SUPT5H: variants seen among roughly 807,000 people sequenced by gnomAD.
SUPT5H encodes transcription elongation factor SPT5.
In SUPT5H, 24 loss-of-function variants were observed where a neutral mutation model predicts 142.5. The observed-to-expected ratio is 0.17, with a 90% CI of 0.12 to 0.24. The LOEUF is 0.24. Ranked by LOEUF, SUPT5H falls within the 10% of genes least tolerant of loss-of-function variation. The pLI is 1.00. For synonymous variants in SUPT5H, 546 were observed against 553.0 expected, an observed-to-expected ratio of 0.99 and a Z score of 0.18; for missense variants, 893 against 1,471.8, an observed-to-expected ratio of 0.61 and a Z score of 6.43.
At chr19:39,461,322 T>G (rs2079158413) in intron 10 of SUPT5H, among the ~76,000 whole-genome samples, 1 of 151,688 alleles carries the variant, frequency 6.6e-6, no homozygotes, top group Non-Finnish European at 1.5e-5. Context: ...TCTTCCTCAT[T>G]ATTATAGTAA....
intron 28 of SUPT5H, 70 bp from the exon 29 acceptor site, chr19:39,476,011 C>T: frequency 7.1e-7 from 1 of 1,416,452 alleles, no homozygotes; most frequent in East Asian, 2.3e-5. Context: ...GAGCCTGTGT[C>T]CCCTGGAGTA....
Position 39,466,804 on chromosome 19 carries a change from C to G in SUPT5H, c.1037+59C>G. On this transcript the variant is annotated intron_variant, in intron 13 of 29. Coordinates refer to ENST00000432763, the MANE Select transcript of SUPT5H (RefSeq NM_001111020.3). The surrounding 1 kb of genome is among the most constrained non-coding windows in gnomAD (Gnocchi z 4.3). ...CCCAGGGCCGGTGTGTAGAATGTGC[C>G]TTTTGCAGGTTCCTCCCCAGGGGTG... 1 of 1,565,556 alleles carries G rather than the reference C, an allele frequency of 6.4e-7. No homozygotes were observed. The highest frequency in any genetic ancestry group is 8.8e-7 in the Non-Finnish European group (1 of 1,136,142).
Position 39,445,629 on chromosome 19 carries a change from G to A in SUPT5H, c.-96G>A. ...AGCTGGTACCGAAGGCGGAGGTGGAGCCCGAGAGGTAAGTGCGTGTGCAGA... is the reference window on the plus strand; with the variant it reads ...AGCTGGTACCGAAGGCGGAGGTGGAACCCGAGAGGTAAGTGCGTGTGCAGA... On this transcript the variant is annotated 5_prime_UTR_variant, in exon 1 of 30. Coordinates refer to ENST00000432763, the MANE Select transcript of SUPT5H (RefSeq NM_001111020.3). The A allele has an allele frequency of 2.1e-6, 1 of 480,044 alleles. No individual in the cohort carries two copies. Among genetic ancestry groups the A allele is most frequent in the Non-Finnish European group, 3.8e-6 (1 of 262,180 alleles). 29.7% of individuals were successfully genotyped at this position (480,044 alleles called of 1,614,324 possible). A position where few individuals can be genotyped will look rare whatever the true frequency, so the allele number is the denominator to read the frequency against.
rs1394966919 is a variant in SUPT5H, at chr19:39,472,568, C to G, written c.2035+75C>G. On this transcript the variant is annotated intron_variant, in intron 21 of 29. Coordinates refer to ENST00000432763, the MANE Select transcript of SUPT5H (RefSeq NM_001111020.3). The surrounding 1 kb of genome is among the most constrained non-coding windows in gnomAD (Gnocchi z 4.2). ...GGAACTTGGTTGTTCAGCCTACACT[C>G]ACTGAGTGCCTGTGCTGGGCTGGGC... 4.6e-6 allele frequency: 7 copies of G among 1,532,734 alleles called. No individual in the cohort carries two copies. Among genetic ancestry groups the G allele is most frequent in the Admixed American group, 3.4e-5 (2 of 58,018 alleles). The allele number at this position is 1,532,734 out of a possible 1,614,324, so 94.9% of individuals were successfully genotyped here. A position where few individuals can be genotyped will look rare whatever the true frequency, so the allele number is the denominator to read the frequency against.
chr19:39,457,321 C>T (rs1375770148), intron 3 of SUPT5H, among the ~76,000 whole-genome samples: 1 of 152,228 alleles, frequency 6.6e-6, no homozygotes, highest in Non-Finnish European at 1.5e-5. Flanking sequence ...AATCATAAAA[C>T]CAACAGACCA....
chr19:39,459,053 C>A lies in SUPT5H; in HGVS notation c.438C>A (p.Ala146=). ...GCGAGTATTACATGAAGAAATACGC[C>A]AAGTCATCTGTGGGAGAGACGTAAG... The part of the protein sequence containing the change: ...ELGEYYMKKY[A]KSSVGETVYG... The change falls in exon 7 of 30, where the codon GCC becomes GCA. Residue 146 remains alanine (A), a synonymous_variant. Coordinates refer to ENST00000432763, the MANE Select transcript of SUPT5H (RefSeq NM_001111020.3). The A allele has an allele frequency of 6.2e-7, 1 of 1,613,770 alleles. No individual in the cohort carries two copies. The highest frequency in any genetic ancestry group is 1.1e-5 in the South Asian group (1 of 91,054).
chr19:39,476,022 T>C, intron 28 of SUPT5H, 59 bp from the exon 29 acceptor site: 1 of 1,494,188 alleles, frequency 6.7e-7, no homozygotes, highest in Non-Finnish European at 9.3e-7. Flanking sequence ...CCCTGGAGTA[T>C]GGGCCTCAGT....
At position 39,471,407 on chromosome 19, in the gene SUPT5H, C is replaced by G. The variant is rs762821292; in HGVS notation, c.1728C>G (p.Thr576=). 3.1e-6 allele frequency: 5 copies of G among 1,614,050 alleles called. No homozygotes were observed. Among genetic ancestry groups the G allele is most frequent in the Non-Finnish European group, 4.2e-6 (5 of 1,180,044 alleles). ...TGACTGTCAGACATCAGGCTGTGAC[C>G]CGGAAGAAGGACAACCGCTTTGCTG... The part of the protein sequence containing the change: ...KVVTVRHQAV[T]RKKDNRFAVA... The change falls in exon 19 of 30, where the codon ACC becomes ACG. Residue 576 remains threonine (T), a synonymous_variant. Transcript: ENST00000432763.
At chr19:39,455,196 G>A (rs1053490295) in intron 3 of SUPT5H, among the ~76,000 whole-genome samples, 15 of 152,158 alleles carry the variant, frequency 9.9e-5, no homozygotes, top group Admixed American at 5.9e-4. Flanking sequence ...TATGAGGCAT[G>A]TGCTGCTGTG....
rs1304645182 is a variant in SUPT5H at position 39,459,892 on chromosome 19, A to G, written c.556A>G (p.Ile186Val). The part of the protein sequence containing the change: ...DPNLWTVKCK[I>V]GEERATAISL... ...CTCAAATCTGCCTCTCATCTTCCAG[A>G]TTGGGGAGGAACGGGCCACGGCCAT... Residue 186 changes from isoleucine (I) to valine (V), a missense_variant and splice_region_variant, in exon 10 of 30, where the codon ATT (isoleucine) becomes GTT (valine). Physicochemically the swap from Ile to Val is conservative, Grantham distance 29. Coordinates refer to ENST00000432763, the MANE Select transcript of SUPT5H (RefSeq NM_001111020.3). The G allele has an allele frequency of 6.2e-7, 1 of 1,613,388 alleles. No homozygotes were observed. Among genetic ancestry groups the G allele is most frequent in the Admixed American group, 1.7e-5 (1 of 59,946 alleles).
chr19:39,463,984 G>A (rs1600713587), intron 10 of SUPT5H, among the ~76,000 whole-genome samples: 1 of 140,396 alleles, frequency 7.1e-6, no homozygotes, highest in South Asian at 2.2e-4. Flanking sequence ...TCTTCTAGTT[G>A]CTTTTTTTTT....
chr19:39,454,615 C>T (rs551726467), intron 3 of SUPT5H, among the ~76,000 whole-genome samples: 8 of 152,202 alleles, frequency 5.3e-5, no homozygotes, highest in South Asian at 4.1e-4. Context: ...GCTGAGATTA[C>T]GGGCGTGAGC....
In SUPT5H at chr19:39,466,813, G is replaced by A; in HGVS notation, c.1037+68G>A. On this transcript the variant is annotated intron_variant, in intron 13 of 29. Transcript: ENST00000432763. This position sits in a 1 kb window ranked among gnomAD's most constrained non-coding sequence, Gnocchi z 4.3. ...GGTGTGTAGAATGTGCCTTTTGCAG[G>A]TTCCTCCCCAGGGGTGGCCCCGCCA... The A allele has an allele frequency of 1.3e-6, 2 of 1,533,408 alleles. No homozygotes were observed. Among genetic ancestry groups the A allele is most frequent in the Non-Finnish European group, 1.8e-6 (2 of 1,107,378 alleles). 95.0% of individuals were successfully genotyped at this position (1,533,408 alleles called of 1,614,324 possible).
intron 2 of SUPT5H, among the ~76,000 whole-genome samples, chr19:39,449,958 G>C (rs988573346): frequency 7.5e-6 from 1 of 133,990 alleles, no homozygotes. Flanking sequence ...TTTTTTTTGA[G>C]ACAGGGTCTC....
chr19:39,459,441 A>C (rs1354287352), intron 8 of SUPT5H, 118 bp from the exon 9 acceptor site: 4 of 1,414,708 alleles, frequency 2.8e-6, no homozygotes, highest in Admixed American at 3.5e-5. Flanking sequence ...TGGGGAAGTC[A>C]GTGAGTGTGA....
At chr19:39,468,900 T>C in intron 14 of SUPT5H, 39 bp downstream of exon 14, 1 of 1,597,104 alleles carries the variant, frequency 6.3e-7, no homozygotes, top group Non-Finnish European at 8.6e-7. Flanking sequence ...GGGGGTGGTG[T>C]GAGTGTTCTC....
chr19:39,471,576 AAG>A, intron 19 of SUPT5H, 27 bp from the exon 20 acceptor site: 2 of 1,614,130 alleles, frequency 1.2e-6, no homozygotes, highest in Non-Finnish European at 1.7e-6. Context: ...GGACATGGTC[AAG>A]AGAGTGACCC....
At chr19:39,446,615 G>A (rs56999463) in intron 2 of SUPT5H, among the ~76,000 whole-genome samples, 13,461 of 152,192 alleles carry the variant, frequency 0.088, 1,609 homozygotes, top group African/African-American at 0.28. Flanking sequence ...AGGGATTAAC[G>A]AGGATTTGAG....
chr19:39,457,857 C>T (rs2079110169), intron 4 of SUPT5H, 117 bp downstream of exon 4: 1 of 1,515,812 alleles, frequency 6.6e-7, no homozygotes, highest in African/African-American at 1.4e-5. Context: ...ACCGTCCTCA[C>T]CTTGCTTCTT....
Sources: allele counts gnomAD v4.1 joint callset (sites outside exome capture counted in the v4.1 genomes callset), GRCh38; gene constraint gnomAD v4.1.1; non-coding constraint Gnocchi (gnomAD v3.1); transcripts MANE v1.5; gene names NCBI Gene and HGNC (gene_info 2026-07-23, HGNC 2026-07-21).